Variants in SDK1 observed in about 807,000 individuals in gnomAD.
SDK1 encodes sidekick cell adhesion molecule 1, also known as protein sidekick-1.
In SDK1, 157 loss-of-function variants were observed where a neutral mutation model predicts 245.5. The ratio of observed to expected loss-of-function variants is 0.64; its 90% CI spans 0.56 to 0.73. The LOEUF (loss-of-function observed/expected upper bound fraction) is 0.73, where lower values mean the gene tolerates loss of function less well. Ranked by LOEUF, SDK1 falls within the 30% of genes least tolerant of loss-of-function variation. The pLI is 0.00. For missense variants in SDK1, 3,583 were observed against 3,002.3 expected, an observed-to-expected ratio of 1.19 and a Z score of -4.52; for synonymous variants, 1,647 against 1,278.5, an observed-to-expected ratio of 1.29 and a Z score of -6.15.
At chr7:3,903,032 C>T (rs1489750770) in intron 5 of SDK1, among the ~76,000 whole-genome samples, 1 of 152,062 alleles carries the variant, frequency 6.6e-6, no homozygotes, top group Non-Finnish European at 1.5e-5. Flanking sequence ...TGAGAAAATG[C>T]TTAACATAAT....
At chr7:3,615,608 C>T (rs371763369) in intron 1 of SDK1, among the ~76,000 whole-genome samples, 5 of 151,698 alleles carry the variant, frequency 3.3e-5, no homozygotes, top group African/African-American at 1.2e-4. Flanking sequence ...GAGGCTGGTA[C>T]ATAGCATCAG....
At chr7:3,806,344 ATGTGGATGTC>A (rs879851726) in intron 4 of SDK1, among the ~76,000 whole-genome samples, 11,697 of 135,058 alleles carry the variant, frequency 0.087, 1,169 homozygotes, top group African/African-American at 0.29. Context: ...CCACATTAGG[ATGTGGATGTC>A]CACATTAGGA....
chr7:3,530,204 A>T lies in SDK1; in HGVS notation c.299-88876A>T, dbSNP rs753590267. ...GTGAGTTTATTTGCACACATTTTAA[A>T]ATAAAGATACAATAAACCATAGAGC... On this transcript the variant is annotated intron_variant, in intron 1 of 44. Transcript: ENST00000404826. Among the ~76,000 whole-genome samples, 88 of 152,308 alleles carry T rather than the reference A, an allele frequency of 5.8e-4. 1 individual carries two copies. Among genetic ancestry groups the T allele is most frequent in the Admixed American group, 1.9e-3 (29 of 15,296 alleles).
intron 4 of SDK1, among the ~76,000 whole-genome samples, chr7:3,783,832 C>T (rs1780822347): frequency 6.6e-6 from 1 of 152,100 alleles, no homozygotes; most frequent in African/African-American, 2.4e-5. Context: ...CATCATTTTT[C>T]ATAGGAATAG....
At chr7:3,610,350 T>A (rs988905687) in intron 1 of SDK1, among the ~76,000 whole-genome samples, 12 of 152,342 alleles carry the variant, frequency 7.9e-5, no homozygotes, top group African/African-American at 2.9e-4. Flanking sequence ...TTCGAAAGAA[T>A]CTTTGAAAGA....
chr7:4,180,531 C>T (rs944127683), intron 35 of SDK1, among the ~76,000 whole-genome samples: 9 of 151,980 alleles, frequency 5.9e-5, no homozygotes, highest in Non-Finnish European at 1.3e-4. Flanking sequence ...CAGCACCCGG[C>T]TCCAGCTCTA....
chr7:3,563,611 T>G (rs1011353371), intron 1 of SDK1, among the ~76,000 whole-genome samples: 8 of 152,204 alleles, frequency 5.3e-5, no homozygotes, highest in African/African-American at 1.4e-4. Context: ...TAGCTGAAAT[T>G]TTTAACACAC....
chr7:3,691,304 A>T (rs969469771), intron 4 of SDK1, among the ~76,000 whole-genome samples: 2 of 152,228 alleles, frequency 1.3e-5, no homozygotes, highest in African/African-American at 4.8e-5. Flanking sequence ...TCTTATGTTG[A>T]TAGGAAGAGG....
chr7:4,083,544 C>CCCTT (rs1562784558), intron 22 of SDK1, among the ~76,000 whole-genome samples: 1 of 59,648 alleles, frequency 1.7e-5, no homozygotes, highest in Non-Finnish European at 3.1e-5. Flanking sequence ...CTCCCTCCCT[C>CCCTT]CCTCCCTCCC....
intron 1 of SDK1, among the ~76,000 whole-genome samples, chr7:3,366,526 A>G (rs1004916807): frequency 1.3e-5 from 2 of 152,138 alleles, no homozygotes; most frequent in African/African-American, 4.8e-5. Context: ...TTTCATCAAC[A>G]GTGTTTGTGA....
intron 22 of SDK1, among the ~76,000 whole-genome samples, chr7:4,089,133 G>A (rs546242928): frequency 1.3e-4 from 20 of 150,168 alleles, no homozygotes; most frequent in East Asian, 3.9e-4. Flanking sequence ...TCCCTCAGGC[G>A]GAGGTGAGAC....
intron 4 of SDK1, among the ~76,000 whole-genome samples, chr7:3,673,354 G>T (rs1328383459): frequency 6.6e-6 from 1 of 152,176 alleles, no homozygotes; most frequent in Non-Finnish European, 1.5e-5. Context: ...GACAAAAGGG[G>T]AAATAAAAGC....
chr7:3,615,459 A>G (rs1050161982), intron 1 of SDK1, among the ~76,000 whole-genome samples: 1 of 151,768 alleles, frequency 6.6e-6, no homozygotes, highest in African/African-American at 2.4e-5. Flanking sequence ...ACAAGGCTCG[A>G]CAACTCCTGA....
intron 1 of SDK1, among the ~76,000 whole-genome samples, chr7:3,519,198 A>C (rs1294704334): frequency 6.6e-6 from 1 of 152,146 alleles, no homozygotes; most frequent in African/African-American, 2.4e-5. Context: ...CCAGCTAGAT[A>C]GGAAGAATCA....
intron 1 of SDK1, among the ~76,000 whole-genome samples, chr7:3,410,686 A>C (rs1327497008): frequency 1.4e-5 from 2 of 146,368 alleles, no homozygotes; most frequent in Non-Finnish European, 3.0e-5. Flanking sequence ...TCCCAGGTTC[A>C]AGCAGTTCTC....
chr7:3,968,020 C>T (rs573339536), intron 10 of SDK1, among the ~76,000 whole-genome samples: 1 of 152,250 alleles, frequency 6.6e-6, no homozygotes, highest in Non-Finnish European at 1.5e-5. Flanking sequence ...TCTCTATCCA[C>T]GCCCTTCAGA....
At position 3,951,050 on chromosome 7, in the gene SDK1, C is replaced by A. The variant is rs1185755761; in HGVS notation, c.959+16C>A. On this transcript the variant is annotated intron_variant, in intron 6 of 44. Coordinates refer to ENST00000404826, the MANE Select transcript of SDK1 (RefSeq NM_152744.4). ...CCAGTGCCAGGTACGAGGCGCGTCT[C>A]CTGTGAGACTCCTAGTAAATATTCC... The A allele has an allele frequency of 1.3e-6, 2 of 1,523,816 alleles. No individual in the cohort carries two copies. Among genetic ancestry groups the A allele is most frequent in the Admixed American group, 3.3e-5 (2 of 59,912 alleles). The allele number at this position is 1,523,816 out of a possible 1,614,324, so 94.4% of individuals were successfully genotyped here.
intron 5 of SDK1, among the ~76,000 whole-genome samples, chr7:3,873,852 G>C (rs1781013045): frequency 6.6e-6 from 1 of 151,962 alleles, no homozygotes; most frequent in Non-Finnish European, 1.5e-5. Context: ...GATCCTATAT[G>C]TTATTTACTA....
intron 44 of SDK1, among the ~76,000 whole-genome samples, chr7:4,251,357 G>A (rs1207231746): frequency 6.6e-6 from 1 of 152,204 alleles, no homozygotes; most frequent in Non-Finnish European, 1.5e-5. Context: ...TGTGCACAGA[G>A]CAAAGTCCAG....
Sources: allele counts gnomAD v4.1 joint callset (sites outside exome capture counted in the v4.1 genomes callset), GRCh38; gene constraint gnomAD v4.1.1; transcripts MANE v1.5; gene names NCBI Gene and HGNC (gene_info 2026-07-23, HGNC 2026-07-21).